PIEZO2: variants seen among roughly 807,000 people sequenced by gnomAD.
PIEZO2 encodes the protein piezo-type mechanosensitive ion channel component 2.
In PIEZO2, 172 loss-of-function variants were observed where a neutral mutation model predicts 337.3. The observed-to-expected ratio is 0.51, with a 90% CI of 0.45 to 0.58. The LOEUF is 0.58. Among genes scored for constraint, PIEZO2 ranks in the 20% least tolerant of loss-of-function variants. PIEZO2 has a pLI of 0.00. For synonymous variants in PIEZO2, 1,251 were observed against 1,228.5 expected (o/e 1.02, Z -0.38); for missense variants, 3,028 against 3,391.3 (o/e 0.89, Z 2.66).
intron 2 of PIEZO2, among the ~76,000 whole-genome samples, chr18:11,059,407 T>C (rs536862200): frequency 7.7e-4 from 117 of 152,208 alleles, no homozygotes; most frequent in Non-Finnish European, 6.9e-4. Flanking sequence ...CACATAACAA[T>C]ATTAACCTTA....
chr18:10,726,930 G>C lies in PIEZO2; in HGVS notation c.5029+4477C>G. On this transcript the variant is annotated intron_variant, in intron 36 of 55. Coordinates refer to ENST00000674853, the MANE Select transcript of PIEZO2 (RefSeq NM_001378183.1). The surrounding 1 kb of genome is among the most constrained non-coding windows in gnomAD (Gnocchi z 5.9). ...ATGTGGCGGAGCTGGGTCGCCTGCT[G>C]CCCGACTGATGTAGGTTGAGGGCTG... 1 of 1,542,572 alleles carries C rather than the reference G, an allele frequency of 6.5e-7. No individual in the cohort carries two copies. The highest frequency in any genetic ancestry group is 1.2e-5 in the South Asian group (1 of 80,684).
intron 11 of PIEZO2, among the ~76,000 whole-genome samples, chr18:10,799,247 G>A (rs1390348239): frequency 6.6e-6 from 1 of 152,212 alleles, no homozygotes; most frequent in Non-Finnish European, 1.5e-5. Flanking sequence ...AACTCTGGCT[G>A]TAATTACATA....
At position 11,105,181 on chromosome 18, in the gene PIEZO2, G is replaced by A. The variant is rs541424773; in HGVS notation, c.65-38959C>T. ...ATGATGGAGGAAGTATCAATAAATCGCCCATTTTCTTTGACCACGATTTGG... is the reference window on the plus strand; with the variant it reads ...ATGATGGAGGAAGTATCAATAAATCACCCATTTTCTTTGACCACGATTTGG... On this transcript the variant is annotated intron_variant, in intron 1 of 55. Coordinates refer to ENST00000674853, the MANE Select transcript of PIEZO2 (RefSeq NM_001378183.1). The surrounding 1 kb of genome is among the most constrained non-coding windows in gnomAD (Gnocchi z 4.3). 3.9e-5 allele frequency among the ~76,000 whole-genome samples: 6 copies of A among 152,180 alleles called. No homozygotes were observed. The highest frequency in any genetic ancestry group is 4.4e-5 in the Non-Finnish European group (3 of 68,020).
Position 11,127,256 on chromosome 18 carries a change from T to C in PIEZO2, c.64+21269A>G, listed in dbSNP as rs2040208357. ...GCTGAGATATAGGAGGAAACGCTCA[T>C]CAGAGCACACAGCCACTGCAAAGAA... is the stretch of plus-strand genomic sequence containing the variant. On this transcript the variant is annotated intron_variant, in intron 1 of 55. Coordinates refer to ENST00000674853, the MANE Select transcript of PIEZO2 (RefSeq NM_001378183.1). This position sits in a 1 kb window ranked among gnomAD's most constrained non-coding sequence, Gnocchi z 4.5. Among the ~76,000 whole-genome samples, 1 of 152,166 alleles carries C rather than the reference T, an allele frequency of 6.6e-6. No individual in the cohort carries two copies. Among genetic ancestry groups the C allele is most frequent in the Non-Finnish European group, 1.5e-5 (1 of 68,016 alleles).
chr18:10,973,937 A>T lies in PIEZO2; in HGVS notation c.286+5598T>A, dbSNP rs1011869845. Among the ~76,000 whole-genome samples, 2 of 152,208 alleles carry T rather than the reference A, an allele frequency of 1.3e-5. No homozygotes were observed. Among genetic ancestry groups the T allele is most frequent in the Admixed American group, 1.3e-4 (2 of 15,278 alleles). ...AGAATTTCATTTGTGTGAGAATGGA[A>T]TTATTTGTATGAGGATGGATCCACC... On this transcript the variant is annotated intron_variant, in intron 3 of 55. Transcript: ENST00000674853. The surrounding 1 kb of genome is among the most constrained non-coding windows in gnomAD (Gnocchi z 4.9).
chr18:11,069,661 G>GAAGTCCTA lies in PIEZO2; in HGVS notation c.65-3440_65-3439insTAGGACTT, dbSNP rs2038269535. ...TGACACTTCCATTCAATGTGGTACGGGAAGTCCTAGGCAGAGGAATTAGGC... is the reference window on the plus strand; with the variant it reads ...TGACACTTCCATTCAATGTGGTACGGAAGTCCTAGAAGTCCTAGGCAGAGGAATTAGGC... On this transcript the variant is annotated intron_variant, in intron 1 of 55. Coordinates refer to ENST00000674853, the MANE Select transcript of PIEZO2 (RefSeq NM_001378183.1). The surrounding 1 kb of genome is among the most constrained non-coding windows in gnomAD (Gnocchi z 4.9). 6.6e-6 allele frequency among the ~76,000 whole-genome samples: 1 copy of GAAGTCCTA among 152,162 alleles called. No individual in the cohort carries two copies. The highest frequency in any genetic ancestry group is 1.5e-5 in the Non-Finnish European group (1 of 68,038).
chr18:11,089,242 A>G (rs2038997248), intron 1 of PIEZO2, among the ~76,000 whole-genome samples: 1 of 152,134 alleles, frequency 6.6e-6, no homozygotes, highest in Admixed American at 6.5e-5. Flanking sequence ...CCACCCCCTA[A>G]GCTCTCAGGG....
intron 49 of PIEZO2, among the ~76,000 whole-genome samples, chr18:10,689,165 C>A (rs528209585): frequency 6.6e-6 from 1 of 152,298 alleles, no homozygotes; most frequent in African/African-American, 2.4e-5. Flanking sequence ...CTGAGAAGTG[C>A]AATAAATAAT....
At chr18:11,052,463 C>T (rs984684596) in intron 2 of PIEZO2, among the ~76,000 whole-genome samples, 4 of 152,152 alleles carry the variant, frequency 2.6e-5, no homozygotes, top group Non-Finnish European at 5.9e-5. Flanking sequence ...AAACCTCAAG[C>T]CTCCACATTC....
chr18:10,882,973 G>A (rs1010158002), intron 4 of PIEZO2, among the ~76,000 whole-genome samples: 5 of 151,156 alleles, frequency 3.3e-5, no homozygotes, highest in Admixed American at 1.3e-4. Flanking sequence ...TGAGTAGCTG[G>A]AACAACAGGT....
intron 39 of PIEZO2, among the ~76,000 whole-genome samples, chr18:10,710,377 G>C (rs954272375): frequency 6.6e-5 from 10 of 152,146 alleles, no homozygotes; most frequent in Non-Finnish European, 1.5e-5. Flanking sequence ...TCACCTGCCT[G>C]ACGGGCCCCC....
At chr18:10,968,477 G>T (rs2145421958) in intron 3 of PIEZO2, among the ~76,000 whole-genome samples, 1 of 152,274 alleles carries the variant, frequency 6.6e-6, no homozygotes, top group South Asian at 2.1e-4. Context: ...TTTTCTAGCT[G>T]TGTGAAGAAT....
chr18:10,959,650 C>T (rs536160006), intron 3 of PIEZO2, among the ~76,000 whole-genome samples: 1 of 152,238 alleles, frequency 6.6e-6, no homozygotes, highest in Non-Finnish European at 1.5e-5. Context: ...ATTACCTACC[C>T]TTTATTTCAT....
Position 10,821,887 on chromosome 18 carries a change from G to A in PIEZO2, c.918-14613C>T, listed in dbSNP as rs1615674. On this transcript the variant is annotated intron_variant, in intron 7 of 55. Transcript: ENST00000674853. The surrounding 1 kb of genome is among the most constrained non-coding windows in gnomAD (Gnocchi z 4.2). The stretch of plus-strand genomic sequence containing the variant: ...TTTTATATTGTTTGTAAATTTAAAC[G>A]TGATTAGAGTCATTGATTACAAATG... Among the ~76,000 whole-genome samples the A allele has an allele frequency of 0.18, 26,774 of 152,066 alleles. 2,365 individuals are homozygous for A. Among genetic ancestry groups the A allele is most frequent in the Middle Eastern group, 0.24 (72 of 294 alleles).
chr18:10,880,739 A>G (rs1426305262), intron 4 of PIEZO2, among the ~76,000 whole-genome samples: 2 of 151,202 alleles, frequency 1.3e-5, no homozygotes, highest in African/African-American at 4.9e-5. Flanking sequence ...ACTCTGATGC[A>G]GGTGTCTTTA....
At chr18:10,818,775 T>C (rs1398064341) in intron 7 of PIEZO2, among the ~76,000 whole-genome samples, 2 of 152,322 alleles carry the variant, frequency 1.3e-5, no homozygotes, top group Non-Finnish European at 2.9e-5. Context: ...CTCACGGGTG[T>C]TCCCTACCAT....
At chr18:10,905,816 G>A (rs1454400523) in intron 4 of PIEZO2, among the ~76,000 whole-genome samples, 1 of 152,086 alleles carries the variant, frequency 6.6e-6, no homozygotes, top group Non-Finnish European at 1.5e-5. Flanking sequence ...TCCCTATTAA[G>A]AAGTCATTAA....
chr18:11,012,671 A>G (rs2035945778), intron 2 of PIEZO2, among the ~76,000 whole-genome samples: 1 of 152,134 alleles, frequency 6.6e-6, no homozygotes. Context: ...TTCTCTATCT[A>G]CTAGTCTGTA....
chr18:11,111,022 G>A lies in PIEZO2; in HGVS notation c.64+37503C>T, dbSNP rs1482812420. 5.3e-5 allele frequency among the ~76,000 whole-genome samples: 8 copies of A among 152,188 alleles called. No individual in the cohort carries two copies. The highest frequency in any genetic ancestry group is 1.5e-5 in the Non-Finnish European group (1 of 68,032). ...GGAGGAGAAGCTGAGATACTTCAGTGCAGCTGCAAATGGACGTCCGGGCAG... is the reference window on the plus strand; with the variant it reads ...GGAGGAGAAGCTGAGATACTTCAGTACAGCTGCAAATGGACGTCCGGGCAG... On this transcript the variant is annotated intron_variant, in intron 1 of 55. Coordinates refer to ENST00000674853, the MANE Select transcript of PIEZO2 (RefSeq NM_001378183.1). The surrounding 1 kb of genome is among the most constrained non-coding windows in gnomAD (Gnocchi z 6.2).
Sources: allele counts gnomAD v4.1 joint callset (sites outside exome capture counted in the v4.1 genomes callset), GRCh38; gene constraint gnomAD v4.1.1; non-coding constraint Gnocchi (gnomAD v3.1); transcripts MANE v1.5; gene names NCBI Gene and HGNC (gene_info 2026-07-23, HGNC 2026-07-21).